The following CANX variants were observed in gnomAD, a reference collection of about 807,000 sequenced individuals.
The protein encoded by CANX is calnexin.
In CANX, 14 loss-of-function variants were observed where a neutral mutation model predicts 75.7. The observed-to-expected ratio is 0.19, with a 90% CI of 0.12 to 0.29. CANX has a LOEUF of 0.29. Ranked by LOEUF, CANX falls within the 10% of genes least tolerant of loss-of-function variation. The probability of loss-of-function intolerance (pLI) is 1.00; values close to 1 mark genes in which losing one functional copy is unlikely to be tolerated. For missense variants in CANX, 567 were observed against 713.2 expected, an observed-to-expected ratio of 0.79 and a Z score of 2.34; for synonymous variants, 227 against 236.9, an observed-to-expected ratio of 0.96 and a Z score of 0.38.
At chr5:179,724,119 T>A (rs1778487986) in intron 12 of CANX, among the ~76,000 whole-genome samples, 1 of 152,214 alleles carries the variant, frequency 6.6e-6, no homozygotes, top group Non-Finnish European at 1.5e-5. Flanking sequence ...CATAGCTATT[T>A]CTATTCTTTG....
chr5:179,697,852 G>C (rs7700775), upstream of CANX, among the ~76,000 whole-genome samples: 145,757 of 152,206 alleles, frequency 0.96, 70,101 homozygotes, highest in East Asian at 1. Flanking sequence ...CGCACCACTA[G>C]ACTCCAGCCT....
chr5:179,713,098 T>C (rs1777692272), intron 7 of CANX, among the ~76,000 whole-genome samples: 1 of 151,840 alleles, frequency 6.6e-6, no homozygotes, highest in African/African-American at 2.4e-5. Flanking sequence ...TTTCTTTTTT[T>C]TGTGACGGAG....
chr5:179,706,460 T>C, intron 3 of CANX, 129 bp downstream of exon 3: 1 of 525,058 alleles, frequency 1.9e-6, no homozygotes, highest in Admixed American at 3.7e-5. Context: ...TATTTATTTT[T>C]TGAGACAGAA....
chr5:179,694,110 C>T (rs1213170810), upstream of CANX: 1 of 158,352 alleles, frequency 6.3e-6, no homozygotes, highest in Non-Finnish European at 1.3e-5. Context: ...TGCCATTGCA[C>T]TCCAGCCTGG....
intron 1 of CANX, chr5:179,681,026 C>T: frequency 2.0e-6 from 2 of 988,426 alleles, no homozygotes; most frequent in Non-Finnish European, 3.1e-6. Context: ...GAGCTGCTGT[C>T]CCAGGGCTAG....
At position 179,724,639 on chromosome 5, in the gene CANX, C is replaced by T; in HGVS notation, c.1519-18C>T. ...ACATGAACATGTAAACAAAATTGTA[C>T]TTTGGGGAACATTTCAGAAACAGAC... is the stretch of plus-strand genomic sequence containing the variant. On this transcript the variant is annotated intron_variant, in intron 12 of 14. Transcript: ENST00000247461. 2.5e-6 allele frequency: 4 copies of T among 1,608,426 alleles called. No homozygotes were observed. The South Asian group carries it at 4.4e-5, about 18-fold the overall frequency.
chr5:179,694,636 A>C (rs1222323119), upstream of CANX: 28 of 848,866 alleles, frequency 3.3e-5, no homozygotes, highest in Admixed American at 3.7e-4. Context: ...CTGAAGGAGA[A>C]GTACGAGAAG....
intron 7 of CANX, among the ~76,000 whole-genome samples, chr5:179,711,532 T>C (rs953129779): frequency 6.6e-6 from 1 of 152,298 alleles, no homozygotes; most frequent in African/African-American, 2.4e-5. Flanking sequence ...CTCGTGCCTA[T>C]AATCCCAGCA....
intron 1 of CANX, chr5:179,699,464 A>G (rs1418425719): frequency 6.6e-6 from 1 of 152,260 alleles, no homozygotes; most frequent in Non-Finnish European, 1.5e-5. Context: ...GGGTAAAAGT[A>G]TAGGGTGGAA....
rs1165355598 is a variant in CANX, at chr5:179,679,048, G to C, written c.-4+271G>C. 2.0e-6 allele frequency: 3 copies of C among 1,534,574 alleles called. No individual in the cohort carries two copies. The East Asian group carries it at 7.3e-5, about 38-fold the overall frequency. ...GGCGCAGTGGCGGCCGCCGTGGCGA[G>C]AAGGGCCGCGAGATGTGATCGGCCC... On this transcript the variant is annotated intron_variant, in intron 1 of 14. Coordinates refer to the CANX transcript ENST00000681674.
At position 179,727,979 on chromosome 5, in the gene CANX, GC is replaced by G. The variant is rs1778770351; in HGVS notation, c.1726-610del. Among the ~76,000 whole-genome samples the G allele has an allele frequency of 2.0e-5, 3 of 152,158 alleles. No individual in the cohort carries two copies. In the South Asian group the frequency reaches 6.2e-4, roughly 32 times the overall value. On this transcript the variant is annotated intron_variant, in intron 14 of 14. Transcript: ENST00000247461. ...AGGTTTTACTTTCAGCTACAACTCT[GC>G]CTTCCTATTAATAAAGATCATTGCT...
Position 179,678,819 on chromosome 5 carries a change from G to A in CANX, c.-4+42G>A, listed in dbSNP as rs768789508. 4 of 1,537,000 alleles carry A rather than the reference G, an allele frequency of 2.6e-6. No individual in the cohort carries two copies. In the South Asian group the frequency reaches 4.8e-5, roughly 18 times the overall value. On this transcript the variant is annotated intron_variant, in intron 1 of 14. Transcript: ENST00000681674. The stretch of plus-strand genomic sequence containing the variant: ...AGCAACACTTGGCTTTTGGACCGCT[G>A]CACCTGCGCCTTCCAGCCCCAGGCG...
chr5:179,680,760 A>T (rs1202233876), intron 1 of CANX: 1 of 756,480 alleles, frequency 1.3e-6, no homozygotes, highest in Admixed American at 2.4e-5. Context: ...TCTTCTGCCC[A>T]TGGGCAGTGA....
chr5:179,710,171 C>A, intron 7 of CANX, 106 bp downstream of exon 7: 1 of 690,516 alleles, frequency 1.4e-6, no homozygotes, highest in East Asian at 2.9e-5. Flanking sequence ...GCCTGTAATC[C>A]CAGCACTTTG....
At chr5:179,706,665 C>T (rs1416293575) in intron 3 of CANX, among the ~76,000 whole-genome samples, 1 of 152,098 alleles carries the variant, frequency 6.6e-6, no homozygotes. Context: ...ACATGTTGGC[C>T]AGGCTGGTCT....
intron 2 of CANX, 106 bp from the exon 3 acceptor site, chr5:179,706,152 A>G (rs1777125858): frequency 1.5e-6 from 1 of 684,472 alleles, no homozygotes; most frequent in Non-Finnish European, 2.5e-6. Context: ...AAGGCCAGCT[A>G]TGAAATTTTT....
At position 179,706,315 on chromosome 5, in the gene CANX, A is replaced by G. The variant is rs1429746963; in HGVS notation, c.229A>G (p.Arg77Gly). Residue 77 changes from arginine (R) to glycine (G), a missense_variant, in exon 3 of 15, where the codon AGA becomes GGA. Physicochemically the swap from Arg to Gly is moderately radical, Grantham distance 125. Coordinates refer to ENST00000247461, the MANE Select transcript of CANX (RefSeq NM_001746.4). Reference protein sequence around the residue: ...GEVYFADSFDRGTLSGWILSK... With the variant: ...GEVYFADSFDGGTLSGWILSK... ...AGTATATTTTGCTGATTCTTTTGAC[A>G]GAGGAACTCTGTCAGGGTAAGTGTT... The G allele has an allele frequency of 1.3e-6, 2 of 1,588,652 alleles. No homozygotes were observed. Among genetic ancestry groups the G allele is most frequent in the East Asian group, 4.5e-5 (2 of 44,684 alleles).
intron 1 of CANX, chr5:179,679,208 C>A (rs1301394585): frequency 1.3e-6 from 2 of 1,534,354 alleles, no homozygotes; most frequent in Non-Finnish European, 1.7e-6. Flanking sequence ...ACTCGTGCTG[C>A]GCTCTTGTCT....
chr5:179,682,671 CTG>C (rs1366169293), intron 1 of CANX, among the ~76,000 whole-genome samples: 5 of 137,442 alleles, frequency 3.6e-5, no homozygotes, highest in African/African-American at 1.1e-4. Context: ...GATCACACCA[CTG>C]TACTCCAGCC....
Sources: gnomAD v4.1 joint callset for allele counts (sites outside exome capture counted in the v4.1 genomes callset) on GRCh38, gnomAD v4.1.1 for gene constraint, MANE v1.5 for transcripts, NCBI Gene and HGNC (gene_info 2026-07-23, HGNC 2026-07-21) for gene names.